Variants in EFNA5 observed in about 807,000 individuals in gnomAD.
EFNA5 encodes the protein ephrin-A5.
EFNA5 carries 5 observed loss-of-function variants against 22.9 expected under a neutral mutation model. That is an observed-to-expected ratio of 0.22 (90% CI 0.11 to 0.46). The LOEUF is 0.46. Among genes scored for constraint, EFNA5 ranks in the 20% least tolerant of loss-of-function variants. EFNA5 has a pLI of 0.99. For synonymous variants in EFNA5, 113 were observed against 112.2 expected (o/e 1.01, Z -0.04); for missense variants, 237 against 293.3 (o/e 0.81, Z 1.40).
chr5:107,582,746 C>CA (rs541017429), intron 1 of EFNA5, among the ~76,000 whole-genome samples: 436 of 139,220 alleles, frequency 3.1e-3, no homozygotes, highest in African/African-American at 8.4e-3. Context: ...AGATCTTGTA[C>CA]AAAAAAAAAA....
intron 1 of EFNA5, among the ~76,000 whole-genome samples, chr5:107,557,482 C>T (rs889942630): frequency 1.3e-5 from 2 of 152,176 alleles, no homozygotes; most frequent in African/African-American, 4.8e-5. Flanking sequence ...ACAGGAATTC[C>T]GAGACTGCGG....
chr5:107,413,756 G>A (rs538081624), intron 2 of EFNA5, among the ~76,000 whole-genome samples: 1 of 152,114 alleles, frequency 6.6e-6, no homozygotes, highest in African/African-American at 2.4e-5. Flanking sequence ...GTTTTTGTTT[G>A]CATCAGCAAG....
intron 1 of EFNA5, among the ~76,000 whole-genome samples, chr5:107,483,792 G>T (rs1395074809): frequency 6.6e-6 from 1 of 152,122 alleles, no homozygotes; most frequent in Non-Finnish European, 1.5e-5. Context: ...TACATTTTGG[G>T]TAGAGTCAAA....
chr5:107,608,545 CCT>C (rs1314066617), intron 1 of EFNA5, among the ~76,000 whole-genome samples: 1 of 152,174 alleles, frequency 6.6e-6, no homozygotes, highest in African/African-American at 2.4e-5. Context: ...CAAAATATTC[CCT>C]TTGTCCCCTG....
chr5:107,425,622 C>CAA (rs1748791125), intron 2 of EFNA5, among the ~76,000 whole-genome samples: 1 of 152,140 alleles, frequency 6.6e-6, no homozygotes, highest in Non-Finnish European at 1.5e-5. Flanking sequence ...TTTTATGGAT[C>CAA]AAATGTGAGA....
chr5:107,430,537 G>GA lies in EFNA5; in HGVS notation c.126-3029dup, dbSNP rs200463352. Among the ~76,000 whole-genome samples, 1,376 of 149,328 alleles carry GA rather than the reference G, an allele frequency of 9.2e-3. 17 individuals are homozygous for GA. The highest frequency in any genetic ancestry group is 0.015 in the Admixed American group (226 of 14,972). On this transcript the variant is annotated intron_variant, in intron 1 of 4. Transcript: ENST00000333274. ...TCTGTAATTCCTTTATTCCACAACT[G>GA]AAAAAAAAATGTCAGTTTCTTCATG...
chr5:107,590,789 C>T (rs1052617360), intron 1 of EFNA5, among the ~76,000 whole-genome samples: 6 of 152,310 alleles, frequency 3.9e-5, no homozygotes, highest in Non-Finnish European at 7.3e-5. Flanking sequence ...AAACTCACTG[C>T]AACCACAACT....
intron 1 of EFNA5, among the ~76,000 whole-genome samples, chr5:107,512,381 AC>A (rs1228833704): frequency 0.016 from 2,394 of 152,156 alleles, 57 homozygotes; most frequent in African/African-American, 0.054. Context: ...AACAACAACA[AC>A]AACAACAAAA....
At chr5:107,510,792 G>C (rs1747352124) in intron 1 of EFNA5, among the ~76,000 whole-genome samples, 1 of 152,064 alleles carries the variant, frequency 6.6e-6, no homozygotes, top group Non-Finnish European at 1.5e-5. Context: ...AAAAAGTTGT[G>C]ATCAGTTTCT....
At chr5:107,519,707 A>AAC (rs1432940359) in intron 1 of EFNA5, among the ~76,000 whole-genome samples, 1 of 152,228 alleles carries the variant, frequency 6.6e-6, no homozygotes, top group East Asian at 1.9e-4. Flanking sequence ...CATCTACCTG[A>AAC]ACACCATGAC....
rs866553515 is a variant in EFNA5, at chr5:107,465,935, T to A, written c.126-38426A>T. 6.3e-4 allele frequency among the ~76,000 whole-genome samples: 96 copies of A among 152,224 alleles called. 1 individual carries two copies. Among genetic ancestry groups the A allele is most frequent in the African/African-American group, 2.3e-3 (94 of 41,554 alleles). Reference sequence around the variant, plus strand: ...GCGGTGTGCTCTGCAACCACCTGCCTTGCCCACTACACCCAGCCACACTGT... The same window carrying A: ...GCGGTGTGCTCTGCAACCACCTGCCATGCCCACTACACCCAGCCACACTGT... On this transcript the variant is annotated intron_variant, in intron 1 of 4. Transcript: ENST00000333274.
At chr5:107,403,746 C>A (rs980235926) in intron 2 of EFNA5, among the ~76,000 whole-genome samples, 8 of 152,140 alleles carry the variant, frequency 5.3e-5, no homozygotes, top group Non-Finnish European at 1.2e-4. Context: ...TATTCACATG[C>A]TTTCTAGTGC....
chr5:107,457,835 T>A (rs956320295), intron 1 of EFNA5, among the ~76,000 whole-genome samples: 1 of 152,210 alleles, frequency 6.6e-6, no homozygotes, highest in Non-Finnish European at 1.5e-5. Flanking sequence ...ATAGTGATCC[T>A]CTGAATTGCT....
chr5:107,574,267 G>A (rs1364009751), intron 1 of EFNA5, among the ~76,000 whole-genome samples: 1 of 152,114 alleles, frequency 6.6e-6, no homozygotes. Flanking sequence ...TGGAAAGTGG[G>A]AGTACAAGGA....
intron 1 of EFNA5, among the ~76,000 whole-genome samples, chr5:107,557,489 G>A (rs1580529258): frequency 6.6e-6 from 1 of 152,254 alleles, no homozygotes; most frequent in South Asian, 2.1e-4. Context: ...TTCCGAGACT[G>A]CGGTGCCTGG....
At chr5:107,603,132 G>C (rs1440692317) in intron 1 of EFNA5, among the ~76,000 whole-genome samples, 1 of 152,178 alleles carries the variant, frequency 6.6e-6, no homozygotes, top group Non-Finnish European at 1.5e-5. Context: ...AATGAGAGCA[G>C]TTATAACTGT....
chr5:107,546,898 G>T (rs996413986), intron 1 of EFNA5, among the ~76,000 whole-genome samples: 1 of 152,074 alleles, frequency 6.6e-6, no homozygotes, highest in Non-Finnish European at 1.5e-5. Flanking sequence ...GTTCTAACAT[G>T]CCAATGAATG....
At chr5:107,500,029 C>A (rs1201391815) in intron 1 of EFNA5, among the ~76,000 whole-genome samples, 1 of 152,194 alleles carries the variant, frequency 6.6e-6, no homozygotes, top group Non-Finnish European at 1.5e-5. Context: ...GAATCCACAG[C>A]ACAAAGCAGT....
intron 1 of EFNA5, among the ~76,000 whole-genome samples, chr5:107,629,610 G>C (rs1750204254): frequency 6.6e-6 from 1 of 152,204 alleles, no homozygotes; most frequent in Non-Finnish European, 1.5e-5. Flanking sequence ...GCAGCAGGGA[G>C]TATATGGGAA....
Sources: gnomAD v4.1 joint callset for allele counts (sites outside exome capture counted in the v4.1 genomes callset) on GRCh38, gnomAD v4.1.1 for gene constraint, MANE v1.5 for transcripts, NCBI Gene and HGNC (gene_info 2026-07-23, HGNC 2026-07-21) for gene names.